ERC1: variants seen among roughly 807,000 people sequenced by gnomAD.
ERC1 encodes the protein ELKS/RAB6-interacting/CAST family member 1.
In ERC1, 56 loss-of-function variants were observed where a neutral mutation model predicts 132.0. That is an observed-to-expected ratio of 0.42 (90% confidence interval 0.34 to 0.53). The LOEUF is 0.53. Ranked by LOEUF, ERC1 falls within the 20% of genes least tolerant of loss-of-function variation. The probability of loss-of-function intolerance (pLI) is 0.03; values close to 1 mark genes in which losing one functional copy is unlikely to be tolerated. For synonymous variants in ERC1, 478 were observed against 476.1 expected (o/e 1.00, Z -0.05); for missense variants, 1,202 against 1,349.9 (o/e 0.89, Z 1.72).
rs188609952 is a variant in ERC1, at chr12:1,263,942, G to A, written c.2619+777G>A. ...TGACCTCAGGTGATCCACCTGCCCC[G>A]GCTTCCCAAAGTGCTGGGATTACAG... On this transcript the variant is annotated intron_variant, in intron 14 of 18. Transcript: ENST00000360905. Among the ~76,000 whole-genome samples the A allele has an allele frequency of 2.0e-3, 310 of 152,014 alleles. 2 individuals carry two copies. The highest frequency in any genetic ancestry group is 6.9e-3 in the African/African-American group (286 of 41,450).
chr12:1,161,431 C>T (rs576897734), intron 8 of ERC1, among the ~76,000 whole-genome samples: 2 of 152,226 alleles, frequency 1.3e-5, no homozygotes, highest in South Asian at 2.1e-4. Context: ...TCGTAATATA[C>T]GCTCTTAAAA....
At chr12:1,484,144 A>G (rs1363546395) in intron 18 of ERC1, among the ~76,000 whole-genome samples, 1 of 151,866 alleles carries the variant, frequency 6.6e-6, no homozygotes. Flanking sequence ...TCTCTACTAA[A>G]AATACAAAAA....
At chr12:1,108,195 T>G (rs1481744186) in intron 4 of ERC1, among the ~76,000 whole-genome samples, 1 of 152,194 alleles carries the variant, frequency 6.6e-6, no homozygotes, top group Non-Finnish European at 1.5e-5. Context: ...GCTGGAGTCA[T>G]GATCCCTTTT....
intron 7 of ERC1, among the ~76,000 whole-genome samples, chr12:1,139,701 T>C (rs1180191180): frequency 6.8e-6 from 1 of 147,564 alleles, no homozygotes; most frequent in Non-Finnish European, 1.5e-5. Context: ...GTAAAACAGG[T>C]ATGATTTTTT....
intron 17 of ERC1, among the ~76,000 whole-genome samples, chr12:1,414,815 A>G (rs1045513082): frequency 3.3e-5 from 5 of 152,074 alleles, no homozygotes; most frequent in Admixed American, 3.3e-4. Flanking sequence ...ATAAATGCCC[A>G]GGATATAGTA....
chr12:1,469,814 C>T (rs922119414), intron 18 of ERC1, among the ~76,000 whole-genome samples: 3 of 152,174 alleles, frequency 2.0e-5, no homozygotes, highest in Non-Finnish European at 4.4e-5. Context: ...GTACTGTTTT[C>T]CCTTTAGCAA....
chr12:1,024,842 G>GAAAA (rs201143939), intron 1 of ERC1, among the ~76,000 whole-genome samples: 2 of 72,512 alleles, frequency 2.8e-5, no homozygotes, highest in African/African-American at 4.6e-5. Flanking sequence ...AAAAAAAGTG[G>GAAAA]AAAAAAAAAA....
At chr12:1,226,821 T>C (rs1406584988) in intron 12 of ERC1, among the ~76,000 whole-genome samples, 3 of 152,062 alleles carry the variant, frequency 2.0e-5, no homozygotes, top group African/African-American at 7.2e-5. Flanking sequence ...GGATTACAGG[T>C]GTGTACCACC....
chr12:1,046,061 GC>G (rs1489350304), intron 2 of ERC1, among the ~76,000 whole-genome samples: 2 of 152,036 alleles, frequency 1.3e-5, no homozygotes, highest in Admixed American at 6.6e-5. Context: ...TTGCACACTA[GC>G]AAAATAAAAT....
Position 1,371,965 on chromosome 12 carries a change from G to A in ERC1, c.2913G>A (p.Gln971=), listed in dbSNP as rs762532770. 7 of 1,613,638 alleles carry A rather than the reference G, an allele frequency of 4.3e-6. No individual in the cohort carries two copies. The highest frequency in any genetic ancestry group is 5.1e-6 in the Non-Finnish European group (6 of 1,180,012). ...GGGAGAAGGATCGTCTGGTACAGCAGCTTAAGCAGCAGGTATTATTAAATG... is the reference window on the plus strand; with the variant it reads ...GGGAGAAGGATCGTCTGGTACAGCAACTTAAGCAGCAGGTATTATTAAATG... ...LKREKDRLVQ[Q]LKQQTQNRMK... is the part of the protein sequence containing the mutation. Residue 971 remains glutamine (Q), a synonymous_variant, in exon 16 of 19, where the codon CAG becomes CAA. Transcript: ENST00000360905.
intron 2 of ERC1, among the ~76,000 whole-genome samples, chr12:1,045,344 A>T (rs1052446652): frequency 4.6e-5 from 7 of 152,068 alleles, no homozygotes; most frequent in African/African-American, 1.7e-4. Context: ...AAATAGTGTA[A>T]TAGATTTGTC....
Position 1,263,180 on chromosome 12 carries a change from A to G in ERC1, c.2619+15A>G, listed in dbSNP as rs763074362. The G allele has an allele frequency of 1.9e-6, 3 of 1,613,210 alleles. No homozygotes were observed. The highest frequency in any genetic ancestry group is 2.7e-5 in the African/African-American group (2 of 74,928). On this transcript the variant is annotated intron_variant, in intron 14 of 18. Transcript: ENST00000360905. ...CTGAAAAACAGGTCTGCTATTTTAT[A>G]CAGTTCCAAGCAATGCTGCTGGTTA...
intron 2 of ERC1, among the ~76,000 whole-genome samples, chr12:1,059,932 T>C (rs1973684127): frequency 6.6e-6 from 1 of 152,246 alleles, no homozygotes; most frequent in Non-Finnish European, 1.5e-5. Flanking sequence ...TTTAAAAGTT[T>C]TGTAGAATTT....
At chr12:1,302,592 G>T (rs570678789) in intron 15 of ERC1, among the ~76,000 whole-genome samples, 23 of 152,198 alleles carry the variant, frequency 1.5e-4, no homozygotes, top group Non-Finnish European at 2.9e-4. Context: ...GATACTGCAA[G>T]TTTTGTTCCA....
At chr12:1,021,678 G>A (rs1187302146) in intron 1 of ERC1, among the ~76,000 whole-genome samples, 1 of 148,136 alleles carries the variant, frequency 6.8e-6, no homozygotes, top group African/African-American at 2.5e-5. Flanking sequence ...CAGCCTGGGC[G>A]ACAGAACAAG....
At chr12:1,020,852 C>T (rs1966250257) in intron 1 of ERC1, 1 of 152,146 alleles carries the variant, frequency 6.6e-6, no homozygotes, top group Non-Finnish European at 1.5e-5. Context: ...ATTTAGTCTC[C>T]CTCTTGAAGG....
At position 1,238,733 on chromosome 12, in the gene ERC1, G is replaced by A. The variant is rs911884546; in HGVS notation, c.2487+1829G>A. The stretch of plus-strand genomic sequence containing the variant: ...GCTCATCATTTAATGTTTTCTATTA[G>A]CAGTCTCTCTCTATAAACCAAAGAT... On this transcript the variant is annotated intron_variant, in intron 13 of 18. Coordinates refer to ENST00000360905, the MANE Select transcript of ERC1 (RefSeq NM_178040.4). Among the ~76,000 whole-genome samples, 3 of 151,908 alleles carry A rather than the reference G, an allele frequency of 2.0e-5. No individual in the cohort carries two copies. In the East Asian group the frequency reaches 5.8e-4, roughly 29 times the overall value.
intron 7 of ERC1, among the ~76,000 whole-genome samples, chr12:1,138,213 A>ATATCATG (rs2154246602): frequency 4.0e-5 from 5 of 124,178 alleles, no homozygotes; most frequent in African/African-American, 1.6e-4. Context: ...GATATATATT[A>ATATCATG]TATAATATAT....
chr12:1,365,815 C>G (rs969003396), intron 15 of ERC1, among the ~76,000 whole-genome samples: 2 of 152,166 alleles, frequency 1.3e-5, no homozygotes, highest in Non-Finnish European at 2.9e-5. Context: ...AAGATAGACA[C>G]AACCCAAGTG....
Sources: gnomAD v4.1 joint callset for allele counts (sites outside exome capture counted in the v4.1 genomes callset) on GRCh38, gnomAD v4.1.1 for gene constraint, MANE v1.5 for transcripts, NCBI Gene and HGNC (gene_info 2026-07-23, HGNC 2026-07-21) for gene names.